AGAP1: variants seen among roughly 807,000 people sequenced by gnomAD.
The protein encoded by AGAP1 is arf-GAP with GTPase, ANK repeat and PH domain-containing protein 1.
AGAP1 carries 29 observed loss-of-function variants against 105.3 expected under a neutral mutation model. The observed-to-expected ratio is 0.28, with a 90% CI of 0.21 to 0.38. AGAP1 has a LOEUF of 0.38. AGAP1 is among the 10% of genes least tolerant of loss of function. The pLI, the probability that AGAP1 is intolerant of heterozygous loss-of-function variation, is 1.00. For synonymous variants in AGAP1, 509 were observed against 485.9 expected, an observed-to-expected ratio of 1.05 and a Z score of -0.63; for missense variants, 998 against 1,165.1, an observed-to-expected ratio of 0.86 and a Z score of 2.09.
In AGAP1 at chr2:235,830,262, G is replaced by T. The variant is rs551644221; in HGVS notation, c.1050+22931G>T. Among the ~76,000 whole-genome samples the T allele has an allele frequency of 1.3e-5, 2 of 152,174 alleles. No individual in the cohort carries two copies. Among genetic ancestry groups the T allele is most frequent in the Non-Finnish European group, 2.9e-5 (2 of 68,034 alleles). Reference sequence around the variant, plus strand: ...GGCTACAGTCACCGTTTGAGTGCCCGTGGAGGATTGGTTTACTTAGTAAAT... The same window carrying T: ...GGCTACAGTCACCGTTTGAGTGCCCTTGGAGGATTGGTTTACTTAGTAAAT... On this transcript the variant is annotated intron_variant, in intron 9 of 17. Coordinates refer to ENST00000304032, the MANE Select transcript of AGAP1 (RefSeq NM_001037131.3). The surrounding 1 kb of genome is among the most constrained non-coding windows in gnomAD (Gnocchi z 5.5).
Position 235,908,041 on chromosome 2 carries a change from G to A in AGAP1, c.1156-697G>A, listed in dbSNP as rs1250664325. The stretch of plus-strand genomic sequence containing the variant: ...TCACTGGCCAGCAGGCCCATCCCCC[G>A]GCTCTCAGTTGCTTGTTCACCTTCC... On this transcript the variant is annotated intron_variant, in intron 10 of 17. Coordinates refer to ENST00000304032, the MANE Select transcript of AGAP1 (RefSeq NM_001037131.3). The surrounding 1 kb of genome is among the most constrained non-coding windows in gnomAD (Gnocchi z 4.4). Among the ~76,000 whole-genome samples, 1 of 152,066 alleles carries A rather than the reference G, an allele frequency of 6.6e-6. No individual in the cohort carries two copies. The highest frequency in any genetic ancestry group is 2.4e-5 in the African/African-American group (1 of 41,390).
At chr2:235,822,546 TCAAGGGTGAGGAGGAGCTGGAGAAGCC>T (rs1044467076) in intron 9 of AGAP1, among the ~76,000 whole-genome samples, 1 of 150,528 alleles carries the variant, frequency 6.6e-6, no homozygotes, top group African/African-American at 2.5e-5. Context: ...CTGAAGAAGC[TCAAGGGTGAGGAGGAGCTGGAGAAGCC>T]CAAGGGTGAA....
intron 1 of AGAP1, among the ~76,000 whole-genome samples, chr2:235,628,749 G>A (rs1946724437): frequency 6.6e-6 from 1 of 152,028 alleles, no homozygotes; most frequent in Admixed American, 6.5e-5. Context: ...CACCCTATTT[G>A]TAGTCTTTTA....
intron 1 of AGAP1, among the ~76,000 whole-genome samples, chr2:235,598,897 G>T (rs1199479801): frequency 6.6e-6 from 1 of 152,140 alleles, no homozygotes. Context: ...TGAGAAATGA[G>T]TTCTTTATTC....
At chr2:235,772,049 G>A (rs1376391839) in intron 6 of AGAP1, among the ~76,000 whole-genome samples, 11 of 144,416 alleles carry the variant, frequency 7.6e-5, no homozygotes, top group South Asian at 2.2e-4. Flanking sequence ...AGGCTGGAAC[G>A]CAGTGGTGCG....
chr2:235,657,903 C>A (rs1029311987), intron 1 of AGAP1, among the ~76,000 whole-genome samples: 1 of 152,152 alleles, frequency 6.6e-6, no homozygotes, highest in Non-Finnish European at 1.5e-5. Flanking sequence ...AAGACGCAGA[C>A]ACACAGAGGA....
At chr2:235,590,680 TGTGTGC>T (rs1553574142) in intron 1 of AGAP1, among the ~76,000 whole-genome samples, 1 of 116,500 alleles carries the variant, frequency 8.6e-6, no homozygotes, top group Non-Finnish European at 1.8e-5. Context: ...TGTGTGTGTG[TGTGTGC>T]GTGTGCGTGT....
At chr2:235,851,279 C>G (rs971850555) in intron 9 of AGAP1, among the ~76,000 whole-genome samples, 2 of 152,120 alleles carry the variant, frequency 1.3e-5, no homozygotes, top group African/African-American at 4.8e-5. Context: ...GCTGCTCGGT[C>G]GGAGCTGGGA....
intron 6 of AGAP1, among the ~76,000 whole-genome samples, chr2:235,765,517 C>T (rs893435900): frequency 1.1e-4 from 16 of 152,186 alleles, no homozygotes; most frequent in African/African-American, 3.1e-4. Context: ...GGGGGCTCAT[C>T]GGCTCACTGC....
At chr2:235,809,148 T>A (rs1957994964) in intron 9 of AGAP1, among the ~76,000 whole-genome samples, 1 of 152,102 alleles carries the variant, frequency 6.6e-6, no homozygotes, top group Non-Finnish European at 1.5e-5. Context: ...GGAGTCCCTC[T>A]GTGCGAGCCA....
chr2:235,671,039 G>A (rs1948388337), intron 1 of AGAP1: 2 of 1,289,756 alleles, frequency 1.6e-6, no homozygotes, highest in South Asian at 5.1e-5. Flanking sequence ...CGAGAGCATC[G>A]ACGGCTCCCC....
Position 235,586,336 on chromosome 2 carries a change from G to T in AGAP1, c.163+91487G>T, listed in dbSNP as rs75550608. The stretch of plus-strand genomic sequence containing the variant: ...GCTCACTCCACGAAGGATGCAGGTG[G>T]GCACACTGCTACAACCCCCTGGGTG... On this transcript the variant is annotated intron_variant, in intron 1 of 17. Transcript: ENST00000304032. The surrounding 1 kb of genome is among the most constrained non-coding windows in gnomAD (Gnocchi z 4.2). 0.02 allele frequency among the ~76,000 whole-genome samples: 3,043 copies of T among 152,244 alleles called. 109 individuals carry two copies. The highest frequency in any genetic ancestry group is 0.069 in the African/African-American group (2,858 of 41,540).
At position 235,879,797 on chromosome 2, in the gene AGAP1, TGGCATGTGTGTG is replaced by T. The variant is rs1265171333; in HGVS notation, c.1051-3547_1051-3536del. ...AAAATAAAAAATTAGACAGACATGG[TGGCATGTGTGTG>T]TAGTCCTAGCTACTCGGAGGAGGCT... On this transcript the variant is annotated intron_variant, in intron 9 of 17. Transcript: ENST00000304032. This position sits in a 1 kb window ranked among gnomAD's most constrained non-coding sequence, Gnocchi z 5.0. Among the ~76,000 whole-genome samples, 1 of 152,074 alleles carries T rather than the reference TGGCATGTGTGTG, an allele frequency of 6.6e-6. No individual in the cohort carries two copies. Among genetic ancestry groups the T allele is most frequent in the African/African-American group, 2.4e-5 (1 of 41,402 alleles).
chr2:235,557,799 C>T lies in AGAP1; in HGVS notation c.163+62950C>T, dbSNP rs1196369851. 2.0e-5 allele frequency among the ~76,000 whole-genome samples: 3 copies of T among 152,292 alleles called. No homozygotes were observed. Among genetic ancestry groups the T allele is most frequent in the East Asian group, 1.9e-4 (1 of 5,182 alleles). On this transcript the variant is annotated intron_variant, in intron 1 of 17. Coordinates refer to ENST00000304032, the MANE Select transcript of AGAP1 (RefSeq NM_001037131.3). The surrounding 1 kb of genome is among the most constrained non-coding windows in gnomAD (Gnocchi z 4.7). ...CTGGGGTTGTGCCTTATGAAAACAA[C>T]GGACTTGGCTACATTTCGACAAGGG...
At chr2:235,516,756 T>C (rs1942405567) in intron 1 of AGAP1, among the ~76,000 whole-genome samples, 1 of 152,196 alleles carries the variant, frequency 6.6e-6, no homozygotes, top group Admixed American at 6.5e-5. Context: ...CCCGGCAGGC[T>C]TCAGAATCTT....
chr2:236,122,285 T>C (rs1375398153), intron 17 of AGAP1, among the ~76,000 whole-genome samples: 1 of 152,184 alleles, frequency 6.6e-6, no homozygotes, highest in Non-Finnish European at 1.5e-5. Flanking sequence ...AACCCTATTG[T>C]GACCTCATTT....
chr2:235,588,615 A>G lies in AGAP1; in HGVS notation c.163+93766A>G, dbSNP rs991204467. 2.0e-5 allele frequency among the ~76,000 whole-genome samples: 3 copies of G among 152,312 alleles called. 1 individual carries two copies. The highest frequency in any genetic ancestry group is 4.4e-5 in the Non-Finnish European group (3 of 68,018). ...AGCTGAGTTTTTAAGAAATTATACC[A>G]TATTCATTTTGACTCCTAATTCCTT... On this transcript the variant is annotated intron_variant, in intron 1 of 17. Transcript: ENST00000304032.
intron 1 of AGAP1, chr2:235,670,167 C>A: frequency 1.7e-6 from 1 of 584,992 alleles, no homozygotes; most frequent in South Asian, 1.7e-5. Flanking sequence ...CGCGGGACGC[C>A]CCCCAGAAAG....
chr2:235,602,864 G>T (rs1199303800), intron 1 of AGAP1, among the ~76,000 whole-genome samples: 1 of 152,110 alleles, frequency 6.6e-6, no homozygotes, highest in Non-Finnish European at 1.5e-5. Context: ...ACCACGCCTG[G>T]CTAATTTTTG....
Sources: allele counts gnomAD v4.1 joint callset (sites outside exome capture counted in the v4.1 genomes callset), GRCh38; gene constraint gnomAD v4.1.1; non-coding constraint Gnocchi (gnomAD v3.1); transcripts MANE v1.5; gene names NCBI Gene and HGNC (gene_info 2026-07-23, HGNC 2026-07-21).